The following POGZ variants were observed in gnomAD, a reference collection of about 807,000 sequenced individuals.
The protein encoded by POGZ is pogo transposable element derived with ZNF domain.
POGZ carries 17 observed loss-of-function variants against 134.6 expected under a neutral mutation model. The ratio of observed to expected loss-of-function variants is 0.13; its 90% CI spans 0.09 to 0.19. The LOEUF is 0.19. POGZ is among the 10% of genes least tolerant of loss of function. The pLI, the probability that POGZ is intolerant of heterozygous loss-of-function variation, is 1.00. For synonymous variants in POGZ, 693 were observed against 657.1 expected (o/e 1.05, Z -0.84); for missense variants, 1,306 against 1,769.7 (o/e 0.74, Z 4.70).
intron 3 of POGZ, among the ~76,000 whole-genome samples, chr1:151,434,586 A>C (rs913821370): frequency 3.3e-5 from 5 of 152,196 alleles, no homozygotes; most frequent in African/African-American, 1.2e-4. Flanking sequence ...ACATGGTATC[A>C]AGCACATTAT....
At chr1:151,425,870 A>G (rs1657681313) in intron 7 of POGZ, among the ~76,000 whole-genome samples, 1 of 152,166 alleles carries the variant, frequency 6.6e-6, no homozygotes, top group East Asian at 1.9e-4. Flanking sequence ...TTGGGTATAG[A>G]ATGGAATTCC....
chr1:151,404,390 C>T lies in POGZ; in HGVS notation c.*412G>A, dbSNP rs1653201162. On this transcript the variant is annotated 3_prime_UTR_variant, in exon 19 of 19. Coordinates refer to ENST00000271715, the MANE Select transcript of POGZ (RefSeq NM_015100.4). ...ATCATGCCCAAAGACATTGGCCACA[C>T]AATAAAACAAACAAAAAAACCCAGT... 5.0e-6 allele frequency: 5 copies of T among 990,630 alleles called. No homozygotes were observed. The highest frequency in any genetic ancestry group is 6.0e-6 in the Non-Finnish European group (5 of 832,644). 61.4% of individuals were successfully genotyped at this position (990,630 alleles called of 1,614,324 possible).
At position 151,404,978 on chromosome 1, in the gene POGZ, G is replaced by A; in HGVS notation, c.4057C>T (p.Leu1353=). The A allele has an allele frequency of 6.2e-7, 1 of 1,614,144 alleles. No homozygotes were observed. The highest frequency in any genetic ancestry group is 8.5e-7 in the Non-Finnish European group (1 of 1,180,016). Residue 1353 remains leucine (L), a synonymous_variant, in exon 19 of 19, where the codon CTA becomes TTA. Coordinates refer to ENST00000271715, the MANE Select transcript of POGZ (RefSeq NM_015100.4). ...CCACTCAGCTTCAGTTGCTCCTCTAGGGAGGCAATTAGCTCCTCCTGCATG... is the reference window on the plus strand; with the variant it reads ...CCACTCAGCTTCAGTTGCTCCTCTAAGGAGGCAATTAGCTCCTCCTGCATG... The part of the protein sequence containing the change: ...ADMQEELIAS[L]EEQLKLSGEH...
chr1:151,451,364 T>C (rs183692215), intron 1 of POGZ, among the ~76,000 whole-genome samples: 1 of 152,068 alleles, frequency 6.6e-6, no homozygotes, highest in Admixed American at 6.6e-5. Flanking sequence ...TTCACTCTTG[T>C]TGCCCAGGCT....
intron 10 of POGZ, among the ~76,000 whole-genome samples, chr1:151,421,647 A>G (rs568554883): frequency 9.8e-5 from 15 of 152,376 alleles, no homozygotes; most frequent in African/African-American, 3.6e-4. Context: ...CCACCCTGCT[A>G]TGAGCCAGAG....
intron 3 of POGZ, 81 bp from the exon 4 acceptor site, chr1:151,430,922 T>C: frequency 1.7e-6 from 1 of 578,590 alleles, no homozygotes. Context: ...TATTTTATTT[T>C]ATTTTATTTT....
intron 10 of POGZ, among the ~76,000 whole-genome samples, chr1:151,416,317 G>A (rs926479255): frequency 2.0e-5 from 3 of 151,546 alleles, no homozygotes; most frequent in Admixed American, 6.6e-5. Flanking sequence ...AGCACTCTGG[G>A]AGGCCAAAGC....
At chr1:151,421,936 A>T (rs1236326633) in intron 10 of POGZ, among the ~76,000 whole-genome samples, 1 of 152,132 alleles carries the variant, frequency 6.6e-6, no homozygotes, top group Admixed American at 6.6e-5. Flanking sequence ...TATTTTTAGT[A>T]GAGATGTGGT....
chr1:151,453,109 G>A (rs769364478), intron 1 of POGZ, among the ~76,000 whole-genome samples: 1 of 151,844 alleles, frequency 6.6e-6, no homozygotes, highest in Non-Finnish European at 1.5e-5. Context: ...TTTTAGTAGA[G>A]ACAGGTTTCA....
intron 7 of POGZ, among the ~76,000 whole-genome samples, chr1:151,425,927 C>T (rs1272460842): frequency 6.6e-6 from 1 of 152,152 alleles, no homozygotes; most frequent in Non-Finnish European, 1.5e-5. Flanking sequence ...GAGGAACCAC[C>T]ATACTGTTTC....
intron 3 of POGZ, among the ~76,000 whole-genome samples, chr1:151,431,301 G>C (rs1220468839): frequency 6.6e-6 from 1 of 152,140 alleles, no homozygotes; most frequent in Non-Finnish European, 1.5e-5. Flanking sequence ...TGACTCTCAT[G>C]ATTTAAGTGA....
rs1024543186 is a variant in POGZ at position 151,412,373 on chromosome 1, C to A, written c.1702G>T (p.Ala568Ser). Residue 568 changes from alanine to serine, a missense_variant, in exon 11 of 19, where the codon GCG (alanine) becomes TCG (serine). Physicochemically the swap from Ala to Ser is moderately conservative, Grantham distance 99. Around this residue, in one of 10 missense-constraint regions of POGZ, gnomAD observed 149 missense variants for 237.5 expected, o/e 0.63. Transcript: ENST00000271715. ...STTKCKICEW[A>S]FESEPLFLQH... ...AGAAATAGTGGCTCACTTTCAAACG[C>A]CCATTCACAGATCTTGCACTTGGCT... 11 of 1,606,708 alleles carry A rather than the reference C, an allele frequency of 6.8e-6. No individual in the cohort carries two copies. Among genetic ancestry groups the A allele is most frequent in the Non-Finnish European group, 9.4e-6 (11 of 1,173,916 alleles).
chr1:151,444,545 T>G (rs1476426568), intron 1 of POGZ, among the ~76,000 whole-genome samples: 1 of 152,160 alleles, frequency 6.6e-6, no homozygotes, highest in Non-Finnish European at 1.5e-5. Flanking sequence ...TGCCGATGGT[T>G]TTCAAGGACC....
chr1:151,423,804 A>C lies in POGZ; in HGVS notation c.1523+145T>G. 4.4e-6 allele frequency: 3 copies of C among 681,828 alleles called. No homozygotes were observed. In the East Asian group the frequency reaches 8.2e-5, roughly 19 times the overall value. The allele number at this position is 681,828 out of a possible 1,614,324, so 42.2% of individuals were successfully genotyped here. A position where few individuals can be genotyped will look rare whatever the true frequency, so the allele number is the denominator to read the frequency against. ...GTTTATTACCACAATATCTCCTTCT[A>C]TAGTCCTAGTTATTGATTTAATGAT... is the stretch of plus-strand genomic sequence containing the variant. On this transcript the variant is annotated intron_variant, in intron 9 of 18. Transcript: ENST00000271715.
chr1:151,407,061 G>T, intron 16 of POGZ, 38 bp from the exon 17 acceptor site: 1 of 1,496,520 alleles, frequency 6.7e-7, no homozygotes, highest in Non-Finnish European at 9.3e-7. Context: ...GACAAACACA[G>T]CAGTGACACT....
At chr1:151,454,808 C>T (rs576365978) in intron 1 of POGZ, among the ~76,000 whole-genome samples, 1 of 152,314 alleles carries the variant, frequency 6.6e-6, no homozygotes, top group African/African-American at 2.4e-5. Context: ...CCCTTGGTTA[C>T]ATATAAAAAT....
At chr1:151,434,723 C>T (rs567869164) in intron 3 of POGZ, among the ~76,000 whole-genome samples, 1 of 151,858 alleles carries the variant, frequency 6.6e-6, no homozygotes, top group South Asian at 2.1e-4. Context: ...GCTGGGACTA[C>T]AGGCACATGC....
At chr1:151,434,970 A>G (rs1659336247) in intron 3 of POGZ, among the ~76,000 whole-genome samples, 1 of 145,968 alleles carries the variant, frequency 6.9e-6, no homozygotes, top group African/African-American at 2.6e-5. Flanking sequence ...GCATGACCTC[A>G]GCTCACTGCA....
intron 12 of POGZ, among the ~76,000 whole-genome samples, chr1:151,409,566 G>C (rs1158926104): frequency 6.6e-6 from 1 of 152,076 alleles, no homozygotes; most frequent in African/African-American, 2.4e-5. Flanking sequence ...TCAACTCCTG[G>C]GTTCAAGTGA....
Sources: gnomAD v4.1 joint callset for allele counts (sites outside exome capture counted in the v4.1 genomes callset) on GRCh38, gnomAD v4.1.1 for gene constraint, gnomAD v4.1.1 regional missense constraint, MANE v1.5 for transcripts, NCBI Gene and HGNC (gene_info 2026-07-23, HGNC 2026-07-21) for gene names.